The following GMEB1 variants were observed in gnomAD, a reference collection of about 807,000 sequenced individuals.
GMEB1 encodes the protein glucocorticoid modulatory element binding protein 1, also known as glucocorticoid modulatory element-binding protein 1.
Under a neutral mutation model 52.4 loss-of-function variants are expected in GMEB1, and 6 were observed. The ratio of observed to expected loss-of-function variants is 0.11; its 90% CI spans 0.06 to 0.23. The LOEUF is 0.23. GMEB1 is among the 10% of genes least tolerant of loss of function. GMEB1 has a pLI of 1.00. For synonymous variants in GMEB1, 255 were observed against 244.9 expected, an observed-to-expected ratio of 1.04 and a Z score of -0.38; for missense variants, 486 against 685.6, an observed-to-expected ratio of 0.71 and a Z score of 3.25.
chr1:28,683,618 T>C lies in GMEB1; in HGVS notation c.6T>C (p.Ala2=), dbSNP rs768365056. 1 of 1,599,668 alleles carries C rather than the reference T, an allele frequency of 6.3e-7. No homozygotes were observed. The highest frequency in any genetic ancestry group is 1.1e-5 in the South Asian group (1 of 88,400). ...TATCTGACTTCATGTGAAAGATGGC[T>C]AATGCAGAAGTGAGTGTCCCAGTGG... is the stretch of plus-strand genomic sequence containing the variant. M[A]NAEVSVPVGD... The change falls in exon 2 of 10, where the codon GCT becomes GCC. Residue 2 remains alanine, a synonymous_variant. Transcript: ENST00000373816.
intron 4 of GMEB1, among the ~76,000 whole-genome samples, chr1:28,692,030 T>C (rs1260584452): frequency 6.7e-6 from 1 of 149,988 alleles, no homozygotes; most frequent in Non-Finnish European, 1.5e-5. Context: ...TTTTTTTTTT[T>C]CAGACAGTGA....
At chr1:28,677,164 A>G (rs1270483140) in intron 1 of GMEB1, among the ~76,000 whole-genome samples, 1 of 152,140 alleles carries the variant, frequency 6.6e-6, no homozygotes, top group Non-Finnish European at 1.5e-5. Context: ...ATATCACATT[A>G]TGTAAATATG....
chr1:28,690,902 C>T (rs1024989822), intron 3 of GMEB1, among the ~76,000 whole-genome samples: 25 of 151,964 alleles, frequency 1.6e-4, no homozygotes, highest in African/African-American at 6.0e-4. Context: ...ATCCCTTGAA[C>T]CCGGGAGGTG....
intron 1 of GMEB1, among the ~76,000 whole-genome samples, chr1:28,681,076 G>A (rs1470510296): frequency 6.6e-6 from 1 of 151,906 alleles, no homozygotes; most frequent in Non-Finnish European, 1.5e-5. Context: ...CACAATCCTT[G>A]CTTTTCCAGG....
At chr1:28,685,288 C>T (rs1285344555) in intron 2 of GMEB1, among the ~76,000 whole-genome samples, 1 of 151,540 alleles carries the variant, frequency 6.6e-6, no homozygotes, top group Non-Finnish European at 1.5e-5. Context: ...CAGCTCACTG[C>T]AACCTCCGCC....
rs967108550 is a variant in GMEB1, at chr1:28,691,763, G to A, written c.336+54G>A. On this transcript the variant is annotated intron_variant, in intron 4 of 9. Coordinates refer to ENST00000373816, the MANE Select transcript of GMEB1 (RefSeq NM_001319674.2). The stretch of plus-strand genomic sequence containing the variant: ...ATTTGGGACTCCTTGTTCTCAAAGG[G>A]TGTGAGTTCCATGCATCCTTTTTAT... 2.2e-5 allele frequency: 22 copies of A among 1,008,472 alleles called. No individual in the cohort carries two copies. In the African/African-American group the frequency reaches 3.1e-4, roughly 14 times the overall value. 62.5% of individuals were successfully genotyped at this position (1,008,472 alleles called of 1,614,324 possible).
chr1:28,669,882 A>T (rs1217688487), intron 1 of GMEB1, among the ~76,000 whole-genome samples: 2 of 152,102 alleles, frequency 1.3e-5, no homozygotes, highest in African/African-American at 4.8e-5. Flanking sequence ...CAAAATCTCA[A>T]CCCGAGGGTC....
chr1:28,687,616 A>C (rs940262889), intron 2 of GMEB1, among the ~76,000 whole-genome samples: 4 of 152,034 alleles, frequency 2.6e-5, no homozygotes, highest in Non-Finnish European at 1.5e-5. Context: ...AGGGTGTTTG[A>C]GGGATTTTAA....
At chr1:28,687,370 ACACACACACAC>A (rs1669704147) in intron 2 of GMEB1, among the ~76,000 whole-genome samples, 8 of 84,288 alleles carry the variant, frequency 9.5e-5, no homozygotes, top group African/African-American at 2.7e-4. Context: ...ACACACACAC[ACACACACACAC>A]ACACACAAAA....
intron 8 of GMEB1, among the ~76,000 whole-genome samples, chr1:28,707,195 C>T (rs1484591855): frequency 1.3e-5 from 2 of 149,890 alleles, no homozygotes; most frequent in African/African-American, 2.5e-5. Flanking sequence ...TGTTAGCCAG[C>T]GTGGTCTAGA....
intron 1 of GMEB1, among the ~76,000 whole-genome samples, chr1:28,672,505 G>C (rs995368578): frequency 4.6e-5 from 7 of 151,454 alleles, no homozygotes; most frequent in Non-Finnish European, 7.4e-5. Context: ...TTACAGGCTT[G>C]AGCCACCACG....
intron 5 of GMEB1, among the ~76,000 whole-genome samples, chr1:28,693,374 C>T (rs535724056): frequency 2.7e-5 from 4 of 150,924 alleles, no homozygotes; most frequent in Admixed American, 6.7e-5. Flanking sequence ...CCCACCACCA[C>T]GCCCAGCTAA....
At chr1:28,698,304 G>T (rs1670324840) in intron 6 of GMEB1, among the ~76,000 whole-genome samples, 1 of 151,742 alleles carries the variant, frequency 6.6e-6, no homozygotes, top group Non-Finnish European at 1.5e-5. Context: ...GGGAGGCATG[G>T]GAGGCAGAGG....
Position 28,714,440 on chromosome 1 carries a change from G to T in GMEB1, c.1359G>T (p.Val453=), listed in dbSNP as rs1671199057. 6.2e-7 allele frequency: 1 copy of T among 1,614,194 alleles called. No homozygotes were observed. The highest frequency in any genetic ancestry group is 8.5e-7 in the Non-Finnish European group (1 of 1,180,030). ...CCAAGAGCAGCTCACCAGACACAGT[G>T]ACCATCCACCCTTCATCTAGCTTGG... ...SSAKSSSPDT[V]TIHPSSSLAL... The change falls in exon 10 of 10, where the codon GTG becomes GTT. Residue 453 remains valine (V), a synonymous_variant. Transcript: ENST00000373816.
upstream of GMEB1, chr1:28,668,765 G>T (rs935424092): frequency 1.3e-4 from 19 of 151,986 alleles, 1 homozygote; most frequent in Admixed American, 1.1e-3. Flanking sequence ...GGCGGTAGCT[G>T]CCGTGGCGGC....
At chr1:28,698,450 C>T (rs1179259770) in intron 6 of GMEB1, among the ~76,000 whole-genome samples, 1 of 146,876 alleles carries the variant, frequency 6.8e-6, no homozygotes, top group African/African-American at 2.5e-5. Context: ...CCAAAGCGGG[C>T]AGATCTCAAG....
At chr1:28,697,150 C>A (rs566118512) in intron 6 of GMEB1, 66 bp downstream of exon 6, 2 of 502,534 alleles carry the variant, frequency 4.0e-6, no homozygotes, top group East Asian at 1.0e-4. Context: ...CCTTATTTCT[C>A]CCTTGTGTGT....
intron 1 of GMEB1, among the ~76,000 whole-genome samples, chr1:28,671,192 T>G (rs1668868111): frequency 6.6e-6 from 1 of 152,188 alleles, no homozygotes; most frequent in African/African-American, 2.4e-5. Flanking sequence ...AGTTTTGGCC[T>G]CAAGTAATAA....
intron 8 of GMEB1, 21 bp downstream of exon 8, chr1:28,704,350 A>G (rs1428430817): frequency 1.2e-6 from 2 of 1,600,756 alleles, no homozygotes; most frequent in Non-Finnish European, 1.7e-6. Context: ...TAATCCTAAC[A>G]GTAGCAGTGA....
Sources: gnomAD v4.1 joint callset for allele counts (sites outside exome capture counted in the v4.1 genomes callset) on GRCh38, gnomAD v4.1.1 for gene constraint, MANE v1.5 for transcripts, NCBI Gene and HGNC (gene_info 2026-07-23, HGNC 2026-07-21) for gene names.